The following ELAVL4 variants were observed in gnomAD, a reference collection of about 807,000 sequenced individuals.
The protein encoded by ELAVL4 is ELAV-like protein 4.
In ELAVL4, 1 loss-of-function variant was observed where a neutral mutation model predicts 35.6. The ratio of observed to expected loss-of-function variants is 0.03; its 90% CI spans 0.01 to 0.13. The LOEUF is 0.13. Among genes scored for constraint, ELAVL4 ranks in the 10% least tolerant of loss-of-function variants. The probability of loss-of-function intolerance (pLI) is 1.00; values close to 1 mark genes in which losing one functional copy is unlikely to be tolerated. For missense variants in ELAVL4, 267 were observed against 464.9 expected (o/e 0.57, Z 3.91); for synonymous variants, 156 against 171.0 (o/e 0.91, Z 0.69).
chr1:50,109,207 G>A lies in ELAVL4; in HGVS notation c.9+9G>A. 1 of 1,612,484 alleles carries A rather than the reference G, an allele frequency of 6.2e-7. No individual in the cohort carries two copies. On this transcript the variant is annotated intron_variant, in intron 1 of 6. Transcript: ENST00000371824. ...CAATAAGAATGGTTATGGTAGGTAT[G>A]ACTAGATTTATAATCTGTTGTTTGT... is the stretch of plus-strand genomic sequence containing the variant.
intron 1 of ELAVL4, among the ~76,000 whole-genome samples, chr1:50,087,811 G>A (rs986260881): frequency 6.6e-6 from 1 of 152,194 alleles, no homozygotes; most frequent in Non-Finnish European, 1.5e-5. Context: ...AAACTAGGAG[G>A]AGAGTCCCCT....
chr1:50,149,283 A>G (rs1674305679), intron 2 of ELAVL4, among the ~76,000 whole-genome samples: 1 of 151,810 alleles, frequency 6.6e-6, no homozygotes, highest in Non-Finnish European at 1.5e-5. Flanking sequence ...CTGTAATCCC[A>G]GCTACTCGGG....
At chr1:50,056,104 A>G (rs974888867) in intron 1 of ELAVL4, among the ~76,000 whole-genome samples, 2 of 152,142 alleles carry the variant, frequency 1.3e-5, no homozygotes, top group African/African-American at 2.4e-5. Context: ...CATTTCTGAT[A>G]GTAAAGGTCT....
chr1:50,142,631 G>A (rs1241136114), intron 1 of ELAVL4, among the ~76,000 whole-genome samples: 2 of 152,184 alleles, frequency 1.3e-5, no homozygotes, highest in African/African-American at 2.4e-5. Context: ...ACATTGATGA[G>A]GATGTGGAGC....
chr1:50,055,099 T>C (rs897918480), intron 1 of ELAVL4, among the ~76,000 whole-genome samples: 1 of 152,076 alleles, frequency 6.6e-6, no homozygotes, highest in Admixed American at 6.5e-5. Context: ...CCTGCGCAAT[T>C]TCCCTTTTTG....
At position 50,110,851 on chromosome 1, in the gene ELAVL4, C is replaced by G. The variant is rs1666949362; in HGVS notation, c.9+1653C>G. Among the ~76,000 whole-genome samples, 3 of 152,030 alleles carry G rather than the reference C, an allele frequency of 2.0e-5. No homozygotes were observed. The South Asian group carries it at 6.2e-4, about 32-fold the overall frequency. ...ACAAATAAGATTAGACCGAGCAGCC[C>G]AACTGAAAGCGATAGCTGGGAGGAA... On this transcript the variant is annotated intron_variant, in intron 1 of 6. Coordinates refer to ENST00000371824, the MANE Select transcript of ELAVL4 (RefSeq NM_001144774.3).
At chr1:50,155,028 T>A (rs748023560) in intron 2 of ELAVL4, among the ~76,000 whole-genome samples, 57 of 152,064 alleles carry the variant, frequency 3.7e-4, no homozygotes, top group African/African-American at 6.8e-4. Context: ...TCTTTTTTTT[T>A]AATTATTATT....
chr1:50,090,498 GC>G (rs1292078194), intron 1 of ELAVL4, among the ~76,000 whole-genome samples: 1 of 152,068 alleles, frequency 6.6e-6, no homozygotes, highest in Non-Finnish European at 1.5e-5. Context: ...GTCAGAATAG[GC>G]CAATTACTGT....
At chr1:50,104,190 C>T (rs1572181782), upstream of ELAVL4, among the ~76,000 whole-genome samples, 1 of 152,282 alleles carries the variant, frequency 6.6e-6, no homozygotes, top group African/African-American at 2.4e-5. Flanking sequence ...CCAGTATCCC[C>T]TTTTACCCTT....
At chr1:50,050,898 A>G (rs546997897) in intron 1 of ELAVL4, among the ~76,000 whole-genome samples, 30 of 152,306 alleles carry the variant, frequency 2.0e-4, no homozygotes, top group African/African-American at 6.5e-4. Flanking sequence ...TGTGTTTAGC[A>G]CAGTACCAGG....
At chr1:50,073,711 C>T (rs528702940) in intron 1 of ELAVL4, among the ~76,000 whole-genome samples, 20 of 152,102 alleles carry the variant, frequency 1.3e-4, no homozygotes, top group African/African-American at 3.4e-4. Context: ...AACTTTTGGT[C>T]GTCCACTGGA....
At chr1:50,089,902 A>G (rs1313510701) in intron 1 of ELAVL4, among the ~76,000 whole-genome samples, 2 of 152,200 alleles carry the variant, frequency 1.3e-5, no homozygotes, top group African/African-American at 4.8e-5. Context: ...GACGGTTCCT[A>G]GGGTCACCTG....
upstream of ELAVL4, chr1:50,103,772 G>A (rs544011563): frequency 5.8e-6 from 4 of 688,834 alleles, no homozygotes; most frequent in Non-Finnish European, 9.7e-6. Flanking sequence ...GTGGATATGT[G>A]AGTGTCTGTT....
intron 6 of ELAVL4, among the ~76,000 whole-genome samples, chr1:50,197,839 A>C (rs1644150532): frequency 6.6e-6 from 1 of 152,240 alleles, no homozygotes; most frequent in South Asian, 2.1e-4. Context: ...TAGCAATGCC[A>C]AGATTCAGTT....
At chr1:50,132,959 T>C (rs914918948) in intron 1 of ELAVL4, among the ~76,000 whole-genome samples, 5 of 152,194 alleles carry the variant, frequency 3.3e-5, no homozygotes, top group African/African-American at 9.6e-5. Context: ...ATTGAGATAA[T>C]CAATCTTTTA....
intron 1 of ELAVL4, among the ~76,000 whole-genome samples, chr1:50,068,633 G>A (rs750253638): frequency 3.9e-5 from 6 of 152,160 alleles, no homozygotes; most frequent in Admixed American, 2.6e-4. Context: ...ATTTCTGACC[G>A]TCACATGTCT....
At chr1:50,133,641 A>AAGAAAGAAAGAAAG (rs1557755373) in intron 1 of ELAVL4, among the ~76,000 whole-genome samples, 1 of 147,788 alleles carries the variant, frequency 6.8e-6, no homozygotes, top group African/African-American at 2.6e-5. Context: ...GAAAGAAAGA[A>AAGAAAGAAAGAAAG]AGAAAGAAAG....
intron 6 of ELAVL4, 103 bp downstream of exon 6, chr1:50,197,570 C>A (rs910038141): frequency 1.1e-4 from 112 of 998,402 alleles, no homozygotes; most frequent in Admixed American, 1.8e-4. Context: ...GAAAAAAATT[C>A]TTCCTTTTTC....
chr1:50,134,038 T>C (rs1279521172), intron 1 of ELAVL4, among the ~76,000 whole-genome samples: 1 of 152,196 alleles, frequency 6.6e-6, no homozygotes, highest in African/African-American at 2.4e-5. Context: ...TTCCTCACCC[T>C]GGTTATGTTA....
Sources: gnomAD v4.1 joint callset for allele counts (sites outside exome capture counted in the v4.1 genomes callset) on GRCh38, gnomAD v4.1.1 for gene constraint, MANE v1.5 for transcripts, NCBI Gene and HGNC (gene_info 2026-07-23, HGNC 2026-07-21) for gene names.